The following HERC2 variants were observed in gnomAD, a reference collection of about 807,000 sequenced individuals.
HERC2 encodes the protein HECT and RLD domain containing E3 ubiquitin protein ligase 2, also known as E3 ubiquitin-protein ligase HERC2.
HERC2 carries 102 observed loss-of-function variants against 537.7 expected under a neutral mutation model. The observed-to-expected ratio is 0.19, with a 90% CI of 0.16 to 0.22. The LOEUF is 0.22. HERC2 is among the 10% of genes least tolerant of loss of function. HERC2 has a pLI of 1.00. For missense variants in HERC2, 4,236 were observed against 6,198.2 expected, an observed-to-expected ratio of 0.68 and a Z score of 10.63; for synonymous variants, 2,224 against 2,466.2, an observed-to-expected ratio of 0.90 and a Z score of 2.91.
chr15:28,251,018 G>A (rs1311544414), intron 20 of HERC2, among the ~76,000 whole-genome samples: 3 of 152,062 alleles, frequency 2.0e-5, no homozygotes, highest in Non-Finnish European at 2.9e-5. Context: ...AGGACCCCAC[G>A]TGCCACAGGA....
At chr15:28,283,032 C>CAAAAAA (rs35092122) in intron 4 of HERC2, among the ~76,000 whole-genome samples, 2 of 47,430 alleles carry the variant, frequency 4.2e-5, no homozygotes, top group South Asian at 1.3e-3. Flanking sequence ...AATGTCCCAG[C>CAAAAAA]AAAAAAAAAA....
Position 28,121,327 on chromosome 15 carries a change from A to C in HERC2, c.13272+19T>G. 1 of 1,608,746 alleles carries C rather than the reference A, an allele frequency of 6.2e-7. No individual in the cohort carries two copies. ...ACTTCTAAGGCTGTCAGACTTGGAG[A>C]GTAATCTCCATGTGCTACCTGGATG... On this transcript the variant is annotated intron_variant, in intron 86 of 92. Coordinates refer to ENST00000261609, the MANE Select transcript of HERC2 (RefSeq NM_004667.6).
intron 2 of HERC2, among the ~76,000 whole-genome samples, chr15:28,318,526 G>A (rs1362745381): frequency 3.9e-5 from 6 of 152,126 alleles, no homozygotes; most frequent in Admixed American, 2.6e-4. Context: ...TACTCGGGAG[G>A]CTGAGGCAGG....
chr15:28,275,837 T>C (rs1014128264), intron 5 of HERC2, among the ~76,000 whole-genome samples: 1 of 151,806 alleles, frequency 6.6e-6, no homozygotes, highest in African/African-American at 2.4e-5. Flanking sequence ...AACTCAATCA[T>C]GCACAGCAAG....
At chr15:28,163,363 C>CTGG in intron 68 of HERC2, 78 bp from the exon 69 acceptor site, 2 of 1,324,224 alleles carry the variant, frequency 1.5e-6, no homozygotes, top group Non-Finnish European at 2.1e-6. Context: ...TACCCATAAA[C>CTGG]TCAGAGAACA....
chr15:28,246,093 AAT>A (rs1223100041), intron 22 of HERC2, 27 bp from the exon 23 acceptor site: 1 of 1,443,034 alleles, frequency 6.9e-7, no homozygotes, highest in Admixed American at 2.0e-5. Flanking sequence ...ATAAGATTTA[AAT>A]AAGTATTTAT....
At position 28,303,179 on chromosome 15, in the gene HERC2, G is replaced by A. The variant is rs146814399; in HGVS notation, c.73-3663C>T. Among the ~76,000 whole-genome samples, 1,507 of 151,708 alleles carry A rather than the reference G, an allele frequency of 9.9e-3. No homozygotes were observed. The East Asian group carries it at 0.11, about 11-fold the overall frequency. On this transcript the variant is annotated intron_variant, in intron 2 of 92. Coordinates refer to ENST00000261609, the MANE Select transcript of HERC2 (RefSeq NM_004667.6). ...TTTACTCCATTTTGATGTGATTTTC[G>A]TATATGGTGAGAGATAGCGGTCTAG...
intron 2 of HERC2, among the ~76,000 whole-genome samples, chr15:28,312,125 G>A (rs1266767603): frequency 6.6e-6 from 1 of 152,294 alleles, no homozygotes; most frequent in Non-Finnish European, 1.5e-5. Context: ...TAAATGGTAA[G>A]CACCATTCAA....
At chr15:28,304,969 G>A (rs893702668) in intron 2 of HERC2, among the ~76,000 whole-genome samples, 7 of 147,864 alleles carry the variant, frequency 4.7e-5, no homozygotes, top group South Asian at 2.2e-4. Flanking sequence ...TGCGGTGTTC[G>A]GTTTTTTATT....
intron 2 of HERC2, among the ~76,000 whole-genome samples, chr15:28,314,309 G>A (rs2077023881): frequency 6.6e-6 from 1 of 152,116 alleles, no homozygotes; most frequent in Non-Finnish European, 1.5e-5. Context: ...AGAGCCTGAG[G>A]AATGAACTAA....
At chr15:28,224,354 T>C (rs773946119) in intron 35 of HERC2, among the ~76,000 whole-genome samples, 1 of 152,096 alleles carries the variant, frequency 6.6e-6, no homozygotes, top group Non-Finnish European at 1.5e-5. Flanking sequence ...CCCAGGTAGC[T>C]GGGACCATAG....
At chr15:28,156,659 G>T (rs143184270) in intron 69 of HERC2, among the ~76,000 whole-genome samples, 1 of 152,246 alleles carries the variant, frequency 6.6e-6, no homozygotes, top group African/African-American at 2.4e-5. Context: ...AGGCTGAGAC[G>T]ATGGGGTTTT....
chr15:28,204,451 C>G (rs531747731), intron 45 of HERC2, among the ~76,000 whole-genome samples: 62 of 152,140 alleles, frequency 4.1e-4, no homozygotes, highest in Non-Finnish European at 7.1e-4. Flanking sequence ...AAAACCCCAT[C>G]TCTACTAAAT....
chr15:28,303,554 T>C (rs2076693638), intron 2 of HERC2, among the ~76,000 whole-genome samples: 1 of 152,236 alleles, frequency 6.6e-6, no homozygotes, highest in Non-Finnish European at 1.5e-5. Context: ...TCCATACAAA[T>C]TTCAGGATTT....
chr15:28,313,335 G>A (rs2922709), intron 2 of HERC2, among the ~76,000 whole-genome samples: 13 of 152,140 alleles, frequency 8.5e-5, no homozygotes, highest in African/African-American at 1.2e-4. Flanking sequence ...ACGCCACCAC[G>A]CCCGGCTAAT....
intron 20 of HERC2, among the ~76,000 whole-genome samples, chr15:28,249,664 T>G (rs1904080301): frequency 6.6e-6 from 1 of 152,244 alleles, no homozygotes; most frequent in East Asian, 1.9e-4. Context: ...ACTCTTTTTT[T>G]TGAGACAGAG....
At chr15:28,132,885 TCAGTGTATTA>T in intron 79 of HERC2, 55 bp from the exon 80 acceptor site, 1 of 1,394,444 alleles carries the variant, frequency 7.2e-7, no homozygotes, top group Admixed American at 2.4e-5. Flanking sequence ...TAAACATTTT[TCAGTGTATTA>T]AATACCTCTC....
rs752947544 is a variant in HERC2 at position 28,229,509 on chromosome 15, C to T, written c.5071G>A (p.Ala1691Thr). 3.1e-6 allele frequency: 5 copies of T among 1,613,772 alleles called. No individual in the cohort carries two copies. The East Asian group carries it at 1.1e-4, about 36-fold the overall frequency. The change falls in exon 33 of 93, where the codon GCG becomes ACG. Residue 1691 changes from alanine (A) to threonine (T), a missense_variant. This residue lies in a region of HERC2 where 343 missense variants were observed against 417.2 expected (regional missense o/e 0.82). Transcript: ENST00000261609. ...AGTCTTTGCCATCCACAAAACATCG[C>T]ATACTGCACAGATGGAAGTAAGAAA... ...KNFLLPSVQY[A>T]MFCGWQRLIP...
chr15:28,131,725 C>T (rs1890125971), intron 81 of HERC2, among the ~76,000 whole-genome samples: 1 of 152,128 alleles, frequency 6.6e-6, no homozygotes, highest in Non-Finnish European at 1.5e-5. Flanking sequence ...GCACTGGCAC[C>T]CCCAAGCGCG....
Sources: gnomAD v4.1 joint callset for allele counts (sites outside exome capture counted in the v4.1 genomes callset) on GRCh38, gnomAD v4.1.1 for gene constraint, gnomAD v4.1.1 regional missense constraint, MANE v1.5 for transcripts, NCBI Gene and HGNC (gene_info 2026-07-23, HGNC 2026-07-21) for gene names.